Variants in GBP7 observed in about 807,000 individuals in gnomAD.
GBP7 encodes guanylate-binding protein 7.
GBP7 carries 43 observed loss-of-function variants against 61.3 expected under a neutral mutation model. That is an observed-to-expected ratio of 0.70 (90% confidence interval 0.55 to 0.91). GBP7 has a LOEUF of 0.91. Among genes scored for constraint, GBP7 ranks in the 40% least tolerant of loss-of-function variants. The pLI is 0.00. For missense variants in GBP7, 717 were observed against 740.5 expected, an observed-to-expected ratio of 0.97 and a Z score of 0.37; for synonymous variants, 267 against 271.0, an observed-to-expected ratio of 0.99 and a Z score of 0.14.
At chr1:89,147,804 C>T in intron 7 of GBP7, 25 bp from the exon 8 acceptor site, 1 of 1,611,064 alleles carries the variant, frequency 6.2e-7, no homozygotes, top group Non-Finnish European at 8.5e-7. Flanking sequence ...TAGGGAAAAA[C>T]AGTAGAAAGA....
intron 3 of GBP7, among the ~76,000 whole-genome samples, chr1:89,156,942 A>C (rs1276223386): frequency 6.6e-6 from 1 of 152,216 alleles, no homozygotes. Context: ...AAAATGGACC[A>C]CATAGTTGGA....
intron 9 of GBP7, among the ~76,000 whole-genome samples, chr1:89,136,243 TAGAC>T (rs1162671954): frequency 6.6e-6 from 1 of 152,280 alleles, no homozygotes; most frequent in African/African-American, 2.4e-5. Context: ...CTGACAATAT[TAGAC>T]AGATCATTGA....
Position 89,132,030 on chromosome 1 carries a change from A to G in GBP7, c.*119T>C, listed in dbSNP as rs1681688492. ...AATTAAGTTTGTTTTTATGAACTTC[A>G]GGCCATAATATTCTTTGAAATTTGC... On this transcript the variant is annotated 3_prime_UTR_variant, in exon 11 of 11. Transcript: ENST00000294671. The G allele has an allele frequency of 7.2e-6, 5 of 694,896 alleles. No homozygotes were observed. Among genetic ancestry groups the G allele is most frequent in the East Asian group, 5.7e-5 (2 of 35,292 alleles). 43.0% of individuals were successfully genotyped at this position (694,896 alleles called of 1,614,324 possible). A position where few individuals can be genotyped will look rare whatever the true frequency, so the allele number is the denominator to read the frequency against.
chr1:89,138,866 A>C (rs1681872208), intron 9 of GBP7, among the ~76,000 whole-genome samples: 1 of 152,226 alleles, frequency 6.6e-6, no homozygotes, highest in Non-Finnish European at 1.5e-5. Flanking sequence ...TGCACAACAA[A>C]GGAAACTATA....
intron 3 of GBP7, among the ~76,000 whole-genome samples, chr1:89,161,491 T>A (rs1288370877): frequency 6.6e-6 from 1 of 152,212 alleles, no homozygotes; most frequent in Non-Finnish European, 1.5e-5. Context: ...ATGATAGTAT[T>A]GTGGTTTTGA....
At position 89,172,526 on chromosome 1, in the gene GBP7, AT is replaced by A. The variant is rs766951987; in HGVS notation, c.-19-573del. On this transcript the variant is annotated intron_variant, in intron 1 of 10. Transcript: ENST00000294671. ...GTTTCCTCATTGATTGAAGTTATGC[AT>A]TTTTTTTTGCAAATGTCACAGAAGT... is the stretch of plus-strand genomic sequence containing the variant. 4.4e-4 allele frequency among the ~76,000 whole-genome samples: 66 copies of A among 150,156 alleles called. 6 individuals are homozygous for A. The highest frequency in any genetic ancestry group is 1.0e-3 in the Admixed American group (15 of 15,060).
intron 3 of GBP7, among the ~76,000 whole-genome samples, chr1:89,156,421 G>A (rs1208447579): frequency 6.6e-6 from 1 of 152,194 alleles, no homozygotes; most frequent in African/African-American, 2.4e-5. Context: ...ATTGGATAAA[G>A]AGACAAGACC....
chr1:89,146,540 A>C (rs1682068108), intron 8 of GBP7, among the ~76,000 whole-genome samples: 1 of 152,194 alleles, frequency 6.6e-6, no homozygotes, highest in Admixed American at 6.5e-5. Context: ...TAAGTGCTTA[A>C]TATCCAAAAT....
rs577262291 is a variant in GBP7, at chr1:89,174,641, G to C, written c.-20+1280C>G. Among the ~76,000 whole-genome samples the C allele has an allele frequency of 4.6e-5, 7 of 152,176 alleles. No homozygotes were observed. The East Asian group carries it at 1.4e-3, about 29-fold the overall frequency. ...TTCTTGCAAGCCCCTCTGTGGGCAG[G>C]GTCTGGTCAGACTGTGGGACTCAGG... On this transcript the variant is annotated intron_variant, in intron 1 of 10. Transcript: ENST00000294671.
intron 8 of GBP7, among the ~76,000 whole-genome samples, chr1:89,143,388 A>G (rs1681996301): frequency 6.6e-6 from 1 of 152,232 alleles, no homozygotes; most frequent in Non-Finnish European, 1.5e-5. Context: ...TGATATATGT[A>G]TCTTTCCAAG....
At chr1:89,144,095 T>C (rs1284423845) in intron 8 of GBP7, among the ~76,000 whole-genome samples, 3 of 152,230 alleles carry the variant, frequency 2.0e-5, no homozygotes, top group Non-Finnish European at 4.4e-5. Context: ...GTATTCATTG[T>C]TTAGCTCCCA....
intron 2 of GBP7, among the ~76,000 whole-genome samples, chr1:89,168,738 C>CA (rs1197817375): frequency 1.3e-5 from 2 of 151,954 alleles, no homozygotes; most frequent in African/African-American, 4.8e-5. Context: ...AGTTCAAGAC[C>CA]AGCCTGACCA....
chr1:89,166,954 TCTC>T (rs1357702441), intron 2 of GBP7, among the ~76,000 whole-genome samples: 1 of 152,156 alleles, frequency 6.6e-6, no homozygotes, highest in Non-Finnish European at 1.5e-5. Context: ...TGCATGTACT[TCTC>T]CTTTCTGTCT....
chr1:89,149,669 C>G, intron 6 of GBP7, 97 bp from the exon 7 acceptor site: 1 of 1,046,314 alleles, frequency 9.6e-7, no homozygotes, highest in Non-Finnish European at 1.4e-6. Context: ...GAAAAAATTC[C>G]ATTTAACATG....
chr1:89,158,244 AG>A (rs1167061799), intron 3 of GBP7, among the ~76,000 whole-genome samples: 22 of 152,342 alleles, frequency 1.4e-4, no homozygotes, highest in African/African-American at 4.6e-4. Flanking sequence ...ACAAACCCAC[AG>A]CCAACATCAT....
intron 9 of GBP7, among the ~76,000 whole-genome samples, chr1:89,139,853 A>G (rs1247003158): frequency 6.6e-6 from 1 of 152,190 alleles, no homozygotes; most frequent in African/African-American, 2.4e-5. Context: ...GGGACTGTAA[A>G]CTAGTTCAAC....
At position 89,147,623 on chromosome 1, in the gene GBP7, C is replaced by T. The variant is rs764685550; in HGVS notation, c.1309G>A (p.Glu437Lys). 1.9e-6 allele frequency: 3 copies of T among 1,614,086 alleles called. No individual in the cohort carries two copies. Among genetic ancestry groups the T allele is most frequent in the Non-Finnish European group, 8.5e-7 (1 of 1,179,980 alleles). ...FVPGGHNIYLEAKKKIEQDYT... is the reference protein window; with the variant it reads ...FVPGGHNIYLKAKKKIEQDYT... ...TCCTGTTCAATCTTCTTTTTTGCTT[C>T]TAAGTAGATATTGTGCCCCCCCGGA... The change falls in exon 8 of 11, where the codon GAA becomes AAA. Residue 437 changes from glutamate to lysine, a missense_variant. Glu to Lys is a moderately conservative substitution (Grantham distance 56). This residue lies in a region of GBP7 where 312 missense variants were observed against 310.1 expected (regional missense o/e 1.01). Coordinates refer to ENST00000294671, the MANE Select transcript of GBP7 (RefSeq NM_207398.3).
intron 4 of GBP7, 61 bp downstream of exon 4, chr1:89,152,607 G>A (rs1682228988): frequency 6.5e-7 from 1 of 1,538,156 alleles, no homozygotes; most frequent in African/African-American, 1.4e-5. Flanking sequence ...AGAAGACACA[G>A]TATCAGTTTC....
chr1:89,161,237 C>T (rs897886033), intron 3 of GBP7, among the ~76,000 whole-genome samples: 10 of 150,642 alleles, frequency 6.6e-5, no homozygotes, highest in Admixed American at 4.6e-4. Flanking sequence ...TGAATATTCA[C>T]GTACACGTAT....
Sources: gnomAD v4.1 joint callset for allele counts (sites outside exome capture counted in the v4.1 genomes callset) on GRCh38, gnomAD v4.1.1 for gene constraint, gnomAD v4.1.1 regional missense constraint, MANE v1.5 for transcripts, NCBI Gene and HGNC (gene_info 2026-07-23, HGNC 2026-07-21) for gene names.